Variants in TMEM59 observed in about 807,000 individuals in gnomAD.
TMEM59 encodes transmembrane protein 59, also known as dendritic cell factor 1.
A neutral mutation model predicts 42.2 loss-of-function variants in TMEM59; 44 were observed. The observed-to-expected ratio is 1.04, with a 90% CI of 0.82 to 1.34. The LOEUF (loss-of-function observed/expected upper bound fraction) is 1.34. Among genes scored for constraint, TMEM59 ranks in the 40% most tolerant of loss-of-function variants. The probability of loss-of-function intolerance (pLI) is 0.00; values close to 1 mark genes in which losing one functional copy is unlikely to be tolerated. For synonymous variants in TMEM59, 148 were observed against 145.8 expected, an observed-to-expected ratio of 1.02 and a Z score of -0.11; for missense variants, 359 against 382.8, an observed-to-expected ratio of 0.94 and a Z score of 0.52.
chr1:54,036,198 T>G (rs555216544), intron 7 of TMEM59, among the ~76,000 whole-genome samples: 1 of 152,032 alleles, frequency 6.6e-6, no homozygotes, highest in Non-Finnish European at 1.5e-5. Context: ...GAAGAATCAC[T>G]TGAACCTAGG....
chr1:54,050,998 G>C (rs1244083201), intron 1 of TMEM59, among the ~76,000 whole-genome samples: 1 of 151,632 alleles, frequency 6.6e-6, no homozygotes, highest in Non-Finnish European at 1.5e-5. Context: ...ACAGGTGCTC[G>C]TCTCCATGCC....
At chr1:54,047,213 A>G (rs922224376) in intron 2 of TMEM59, 54 bp downstream of exon 2, 1 of 1,419,798 alleles carries the variant, frequency 7.0e-7, no homozygotes, top group African/African-American at 1.4e-5. Flanking sequence ...TCAAAAGCTT[A>G]TCACAAAGAA....
In TMEM59 at chr1:54,045,729, T is replaced by C. The variant is rs549211064; in HGVS notation, c.353A>G (p.Gln118Arg). 10 of 1,614,142 alleles carry C rather than the reference T, an allele frequency of 6.2e-6. No homozygotes were observed. Among genetic ancestry groups the C allele is most frequent in the Middle Eastern group, 1.7e-4 (1 of 6,060 alleles). ...DEQYACHLGCQNQLPFAELRQ... is the reference protein window; with the variant it reads ...DEQYACHLGCRNQLPFAELRQ... ...CAGTTCAGCGAATGGCAGCTGATTC[T>C]GGCAACCAAGATGGCAAGCATATTG... Residue 118 changes from glutamine to arginine, a missense_variant, in exon 3 of 8, where the codon CAG becomes CGG. Transcript: ENST00000234831.
chr1:54,042,855 T>A (rs1657187566), intron 4 of TMEM59, among the ~76,000 whole-genome samples: 1 of 152,134 alleles, frequency 6.6e-6, no homozygotes, highest in African/African-American at 2.4e-5. Context: ...AGAGAATATA[T>A]CTAGCACAAT....
At chr1:54,039,263 T>A (rs1657057440) in intron 6 of TMEM59, among the ~76,000 whole-genome samples, 1 of 151,348 alleles carries the variant, frequency 6.6e-6, no homozygotes, top group African/African-American at 2.5e-5. Context: ...TTCACAAAAT[T>A]ACTTTTAAAG....
At chr1:54,041,051 A>G (rs1364548576) in intron 5 of TMEM59, among the ~76,000 whole-genome samples, 1 of 152,134 alleles carries the variant, frequency 6.6e-6, no homozygotes, top group Non-Finnish European at 1.5e-5. Flanking sequence ...TCAAATTCTT[A>G]TTGACATTGA....
intron 7 of TMEM59, among the ~76,000 whole-genome samples, chr1:54,035,160 C>G (rs1271400519): frequency 6.6e-6 from 1 of 152,190 alleles, no homozygotes; most frequent in African/African-American, 2.4e-5. Context: ...TCAATTATAT[C>G]ACCTTAATAA....
At position 54,032,984 on chromosome 1, in the gene TMEM59, G is replaced by T. The variant is rs2100295622; in HGVS notation, c.817-679C>A. ...TCTGTTACCCAGGCTGGAGTGCAGT[G>T]GTGTGATCATAGCTCACTACTAGGC... On this transcript the variant is annotated intron_variant, in intron 7 of 7. Transcript: ENST00000234831. 2 of 150,796 alleles carry T rather than the reference G, an allele frequency of 1.3e-5. 1 individual carries two copies. The highest frequency in any genetic ancestry group is 6.8e-3 in the Middle Eastern group (2 of 292). 9.3% of individuals were successfully genotyped at this position (150,796 alleles called of 1,614,324 possible).
In TMEM59 at chr1:54,032,220, G is replaced by A. The variant is rs1016736621; in HGVS notation, c.902C>T (p.Ser301Phe). 4.3e-6 allele frequency: 7 copies of A among 1,613,158 alleles called. No individual in the cohort carries two copies. The highest frequency in any genetic ancestry group is 5.9e-6 in the Non-Finnish European group (7 of 1,179,620). The change falls in exon 8 of 8, where the codon TCT (serine) becomes TTT (phenylalanine). Residue 301 changes from serine (S) to phenylalanine (F), a missense_variant. Transcript: ENST00000234831. The stretch of plus-strand genomic sequence containing the variant: ...TGCTTCTTCATGATCTTCAGTTTTA[G>A]ATCTAACAACCACAAGAGAAGAAGC... ...YPASSLVVVR[S>F]KTEDHEEAGP... is the part of the protein sequence containing the mutation.
At chr1:54,047,199 T>TG (rs1296927583) in intron 2 of TMEM59, 68 bp downstream of exon 2, 1 of 1,291,404 alleles carries the variant, frequency 7.7e-7, no homozygotes, top group East Asian at 2.5e-5. Flanking sequence ...CTAAAGAAAA[T>TG]ACTTCAAAAG....
intron 2 of TMEM59, 34 bp from the exon 3 acceptor site, chr1:54,045,820 A>C (rs1657313189): frequency 6.4e-7 from 1 of 1,557,662 alleles, no homozygotes; most frequent in African/African-American, 1.4e-5. Flanking sequence ...TACAAGAAAC[A>C]AAAGAGAAAG....
At chr1:54,038,792 G>C (rs1469456472) in intron 6 of TMEM59, among the ~76,000 whole-genome samples, 1 of 152,146 alleles carries the variant, frequency 6.6e-6, no homozygotes, top group Non-Finnish European at 1.5e-5. Context: ...ACAGGGTATT[G>C]TTCTAAAAGT....
Position 54,053,115 on chromosome 1 carries a change from G to A in TMEM59, c.74C>T (p.Ala25Val), listed in dbSNP as rs748060738. Residue 25 changes from alanine (A) to valine (V), a missense_variant, in exon 1 of 8, where the codon GCC becomes GTC. By Grantham distance (64) the Ala-to-Val change is moderately conservative (BLOSUM62 0). Transcript: ENST00000234831. ...AGCGGTCCCCGAACCTCCGGCCAAGGCCATGGTCAGCAGCAGCAGCGGCGG... is the reference window on the plus strand; with the variant it reads ...AGCGGTCCCCGAACCTCCGGCCAAGACCATGGTCAGCAGCAGCAGCGGCGG... The part of the protein sequence containing the change: ...GLPPLLLLTM[A>V]LAGGSGTASA... 3 of 1,614,254 alleles carry A rather than the reference G, an allele frequency of 1.9e-6. No individual in the cohort carries two copies. Among genetic ancestry groups the A allele is most frequent in the Non-Finnish European group, 2.5e-6 (3 of 1,180,028 alleles).
Position 54,036,616 on chromosome 1 carries a change from G to T in TMEM59, c.810C>A (p.Pro270=). ...TVATAVEQYV[P]SEKLSIYGDL... ...TGGTAAGAATTAAATTTACCTCAGA[G>T]GGAACATACTGCTCCACAGCTGTAG... The change falls in exon 7 of 8, where the codon CCC becomes CCA. Residue 270 remains proline (P), a synonymous_variant. Coordinates refer to ENST00000234831, the MANE Select transcript of TMEM59 (RefSeq NM_004872.5). 2 of 1,599,636 alleles carry T rather than the reference G, an allele frequency of 1.3e-6. No homozygotes were observed. The highest frequency in any genetic ancestry group is 1.1e-5 in the South Asian group (1 of 88,590).
intron 3 of TMEM59, chr1:54,044,318 G>C (rs1458676159): frequency 8.6e-6 from 1 of 116,880 alleles, no homozygotes; most frequent in Non-Finnish European, 1.6e-5. Context: ...ACTCCAGCCT[G>C]GCGACAGAGC....
rs1249301612 is a variant in TMEM59 at position 54,030,798 on chromosome 1, A to T, written c.*1352T>A. 1 of 152,116 alleles carries T rather than the reference A, an allele frequency of 6.6e-6. No homozygotes were observed. Among genetic ancestry groups the T allele is most frequent in the Non-Finnish European group, 1.5e-5 (1 of 68,028 alleles). 9.4% of individuals were successfully genotyped at this position (152,116 alleles called of 1,614,324 possible). A position where few individuals can be genotyped will look rare whatever the true frequency, so the allele number is the denominator to read the frequency against. ...TAGCTGTTAACTGCTTTTCATTTGG[A>T]CTCAGGAAGGCTAAAGACTAGGCCA... On this transcript the variant is annotated 3_prime_UTR_variant, in exon 8 of 8. Coordinates refer to ENST00000234831, the MANE Select transcript of TMEM59 (RefSeq NM_004872.5).
At chr1:54,035,099 T>C (rs2100300980) in intron 7 of TMEM59, among the ~76,000 whole-genome samples, 1 of 152,340 alleles carries the variant, frequency 6.6e-6, no homozygotes, top group East Asian at 1.9e-4. Context: ...TTAACGACTA[T>C]ATAAATGTTA....
chr1:54,037,509 C>A (rs1160170369), intron 6 of TMEM59, among the ~76,000 whole-genome samples: 6 of 152,148 alleles, frequency 3.9e-5, no homozygotes, highest in Non-Finnish European at 7.3e-5. Context: ...TATTAAGATT[C>A]AAAGAATAGG....
Position 54,032,236 on chromosome 1 carries a change from G to C in TMEM59, c.886C>G (p.Leu296Val). 1 of 1,613,198 alleles carries C rather than the reference G, an allele frequency of 6.2e-7. No individual in the cohort carries two copies. The highest frequency in any genetic ancestry group is 8.5e-7 in the Non-Finnish European group (1 of 1,179,572). ...QKLNRYPASS[L>V]VVVRSKTEDH... The stretch of plus-strand genomic sequence containing the variant: ...TCAGTTTTAGATCTAACAACCACAA[G>C]AGAAGAAGCTGGATATCTGTTTAGC... Residue 296 changes from leucine (L) to valine (V), a missense_variant, in exon 8 of 8, where the codon CTT (leucine) becomes GTT (valine). Coordinates refer to ENST00000234831, the MANE Select transcript of TMEM59 (RefSeq NM_004872.5).
Sources: allele counts gnomAD v4.1 joint callset (sites outside exome capture counted in the v4.1 genomes callset), GRCh38; gene constraint gnomAD v4.1.1; transcripts MANE v1.5; gene names NCBI Gene and HGNC (gene_info 2026-07-23, HGNC 2026-07-21).